DLGAP2: variants seen among roughly 807,000 people sequenced by gnomAD.
DLGAP2 encodes DLG associated protein 2, also known as disks large-associated protein 2.
Under a neutral mutation model 100.3 loss-of-function variants are expected in DLGAP2, and 26 were observed. The ratio of observed to expected loss-of-function variants is 0.26; its 90% CI spans 0.19 to 0.36. The LOEUF (loss-of-function observed/expected upper bound fraction) is 0.36, where lower values mean the gene tolerates loss of function less well. Ranked by LOEUF, DLGAP2 falls within the 10% of genes least tolerant of loss-of-function variation. The pLI is 1.00. For synonymous variants in DLGAP2, 886 were observed against 630.1 expected (o/e 1.41, Z -6.08); for missense variants, 1,858 against 1,453.2 (o/e 1.28, Z -4.53).
intron 1 of DLGAP2, among the ~76,000 whole-genome samples, chr8:770,540 C>G (rs1821329629): frequency 6.6e-6 from 1 of 152,210 alleles, no homozygotes; most frequent in Non-Finnish European, 1.5e-5. Context: ...CCCGCCTCCT[C>G]TCAGCTGATT....
chr8:1,165,584 A>C (rs932945439), intron 2 of DLGAP2, among the ~76,000 whole-genome samples: 1 of 152,256 alleles, frequency 6.6e-6, no homozygotes, highest in Admixed American at 6.5e-5. Flanking sequence ...CCAGCAAGAC[A>C]GGCAGTGGCC....
intron 2 of DLGAP2, among the ~76,000 whole-genome samples, chr8:1,204,085 T>TGAATCA (rs1286567219): frequency 2.0e-5 from 3 of 152,250 alleles, no homozygotes; most frequent in African/African-American, 7.2e-5. Context: ...CTCATGGGTC[T>TGAATCA]GGAGCGGGAC....
intron 3 of DLGAP2, among the ~76,000 whole-genome samples, chr8:1,381,782 AGTGT>A (rs72529197): frequency 0.07 from 9,958 of 141,690 alleles, 331 homozygotes; most frequent in Admixed American, 0.1. Context: ...GGGTTATTCT[AGTGT>A]GTGTGTGTGT....
intron 1 of DLGAP2, among the ~76,000 whole-genome samples, chr8:853,510 G>A (rs970423215): frequency 6.6e-6 from 1 of 152,086 alleles, no homozygotes; most frequent in Non-Finnish European, 1.5e-5. Flanking sequence ...AGGGAATGAT[G>A]GGGATCCCCC....
chr8:1,105,334 CAT>C (rs1804721353), intron 2 of DLGAP2, among the ~76,000 whole-genome samples: 1 of 152,200 alleles, frequency 6.6e-6, no homozygotes, highest in African/African-American at 2.4e-5. Context: ...GTAGGGGTCT[CAT>C]GTTGTGGGGA....
intron 6 of DLGAP2, among the ~76,000 whole-genome samples, chr8:1,606,142 TG>T (rs1323478991): frequency 6.6e-6 from 1 of 152,172 alleles, no homozygotes; most frequent in African/African-American, 2.4e-5. Flanking sequence ...AAGGTACCAG[TG>T]GGTTTTTTTT....
intron 2 of DLGAP2, among the ~76,000 whole-genome samples, chr8:1,196,457 G>C (rs1797751516): frequency 6.6e-6 from 1 of 152,144 alleles, no homozygotes; most frequent in South Asian, 2.1e-4. Flanking sequence ...GTGATCCTGT[G>C]CCCCCGAAGG....
At chr8:1,206,809 A>T (rs1015578532) in intron 2 of DLGAP2, among the ~76,000 whole-genome samples, 3 of 152,170 alleles carry the variant, frequency 2.0e-5, no homozygotes, top group African/African-American at 7.2e-5. Flanking sequence ...CCTGCAGGCT[A>T]AGGCTCCACG....
At chr8:1,441,251 T>C (rs1296463545) in intron 3 of DLGAP2, among the ~76,000 whole-genome samples, 1 of 152,226 alleles carries the variant, frequency 6.6e-6, no homozygotes, top group African/African-American at 2.4e-5. Context: ...TTTAATTATG[T>C]ATATACTGCT....
At chr8:954,293 C>A (rs1046793385) in intron 2 of DLGAP2, among the ~76,000 whole-genome samples, 1 of 152,118 alleles carries the variant, frequency 6.6e-6, no homozygotes, top group Non-Finnish European at 1.5e-5. Flanking sequence ...TACAATAGAA[C>A]CCCAGAACCT....
At chr8:972,819 C>G (rs1201407934) in intron 2 of DLGAP2, among the ~76,000 whole-genome samples, 4 of 152,132 alleles carry the variant, frequency 2.6e-5, no homozygotes, top group Non-Finnish European at 5.9e-5. Context: ...GTGGTGATGA[C>G]TCTTAACGAG....
At chr8:742,602 G>T (rs1820515041) in intron 1 of DLGAP2, among the ~76,000 whole-genome samples, 1 of 152,132 alleles carries the variant, frequency 6.6e-6, no homozygotes, top group South Asian at 2.1e-4. Flanking sequence ...TTGACCTCCT[G>T]GGCACGAGTG....
At chr8:1,141,232 G>C (rs1477550132) in intron 2 of DLGAP2, among the ~76,000 whole-genome samples, 1 of 152,196 alleles carries the variant, frequency 6.6e-6, no homozygotes, top group Non-Finnish European at 1.5e-5. Context: ...GTTCAACTGA[G>C]ATTAGAGAAA....
chr8:1,621,940 C>T (rs375550126), intron 6 of DLGAP2: 3 of 152,196 alleles, frequency 2.0e-5, no homozygotes, highest in African/African-American at 4.8e-5. Context: ...ACAAGCATGC[C>T]TTCATCTCCT....
At chr8:1,010,875 ACAGTGAGCCC>A (rs1355911427) in intron 2 of DLGAP2, among the ~76,000 whole-genome samples, 1 of 152,162 alleles carries the variant, frequency 6.6e-6, no homozygotes, top group East Asian at 1.9e-4. Flanking sequence ...AGGGGCCTGC[ACAGTGAGCCC>A]CAGGCGAGGG....
At chr8:1,093,982 C>CGTGGATGGAGGGCAGCTTCGCGGTGG (rs1261102905) in intron 2 of DLGAP2, among the ~76,000 whole-genome samples, 12 of 110,178 alleles carry the variant, frequency 1.1e-4, no homozygotes, top group Admixed American at 1.0e-4. Context: ...TGCAGGCGCT[C>CGTGGATGGAGGGCAGCTTCGCGGTGG]GTGGATGGAG....
intron 1 of DLGAP2, among the ~76,000 whole-genome samples, chr8:795,218 G>A (rs371391355): frequency 1.8e-3 from 268 of 152,314 alleles, no homozygotes; most frequent in African/African-American, 6.4e-3. Flanking sequence ...CCTCTAGCCA[G>A]GGCAATTTTG....
intron 6 of DLGAP2, among the ~76,000 whole-genome samples, chr8:1,601,485 C>T (rs760931993): frequency 2.2e-4 from 34 of 152,212 alleles, no homozygotes; most frequent in Non-Finnish European, 2.1e-4. Context: ...CCGCCCCTTC[C>T]CCCGGGTGCT....
At chr8:1,303,893 G>T (rs1800426960) in intron 3 of DLGAP2, among the ~76,000 whole-genome samples, 1 of 152,198 alleles carries the variant, frequency 6.6e-6, no homozygotes, top group African/African-American at 2.4e-5. Context: ...GGAGGTGGAG[G>T]GAGATGGGAT....
Sources: allele counts gnomAD v4.1 joint callset (sites outside exome capture counted in the v4.1 genomes callset), GRCh38; gene constraint gnomAD v4.1.1; transcripts MANE v1.5; gene names NCBI Gene and HGNC (gene_info 2026-07-23, HGNC 2026-07-21).